The following SCAP variants were observed in gnomAD, a reference collection of about 807,000 sequenced individuals.
SCAP encodes SREBF chaperone, also known as sterol regulatory element-binding protein cleavage-activating protein.
SCAP carries 65 observed loss-of-function variants against 123.6 expected under a neutral mutation model. The observed-to-expected ratio is 0.53, with a 90% CI of 0.43 to 0.65. The LOEUF is 0.65. SCAP is among the 30% of genes least tolerant of loss of function. The pLI, the probability that SCAP is intolerant of heterozygous loss-of-function variation, is 0.00. For missense variants in SCAP, 1,398 were observed against 1,712.5 expected, an observed-to-expected ratio of 0.82 and a Z score of 3.24; for synonymous variants, 740 against 726.3, an observed-to-expected ratio of 1.02 and a Z score of -0.30.
intron 1 of SCAP, among the ~76,000 whole-genome samples, chr3:47,468,613 A>G (rs1292237129): frequency 6.6e-6 from 1 of 151,988 alleles, no homozygotes; most frequent in Non-Finnish European, 1.5e-5. Context: ...TAGATTCTGG[A>G]TATTAGCCCT....
Position 47,414,261 on chromosome 3 carries a change from G to A in SCAP, c.3513C>T (p.Ser1171=). ...GDVTSLTCTT[S]CVISSGLDDL... ...CATCCAGGCCACTGCTGATGACACA[G>A]GAGGTGGTACAGGTAAGGGAGGTGA... The change falls in exon 22 of 23, where the codon TCC becomes TCT. Residue 1171 remains serine (S), a synonymous_variant. Coordinates refer to ENST00000265565, the MANE Select transcript of SCAP (RefSeq NM_012235.4). 3 of 1,613,638 alleles carry A rather than the reference G, an allele frequency of 1.9e-6. No individual in the cohort carries two copies. Among genetic ancestry groups the A allele is most frequent in the Non-Finnish European group, 2.5e-6 (3 of 1,180,030 alleles).
At chr3:47,418,983 A>G (rs981109232) in intron 13 of SCAP, 140 bp from the exon 14 acceptor site, 13 of 981,084 alleles carry the variant, frequency 1.3e-5, no homozygotes, top group African/African-American at 3.3e-5. Flanking sequence ...GGGGTTGGGG[A>G]CAGAGGTAGG....
chr3:47,426,234 C>G, intron 6 of SCAP, 65 bp from the exon 7 acceptor site: 1 of 1,514,684 alleles, frequency 6.6e-7, no homozygotes, highest in South Asian at 1.2e-5. Context: ...CAAAGACAAT[C>G]CCCGGACAGA....
chr3:47,438,165 T>C (rs1444611468), intron 2 of SCAP, among the ~76,000 whole-genome samples: 2 of 152,256 alleles, frequency 1.3e-5, no homozygotes, highest in African/African-American at 4.8e-5. Flanking sequence ...ATAGCAACTT[T>C]TGTGAAACGC....
At chr3:47,452,901 G>A (rs1227019866) in intron 1 of SCAP, among the ~76,000 whole-genome samples, 1 of 150,188 alleles carries the variant, frequency 6.7e-6, no homozygotes, top group African/African-American at 2.4e-5. Flanking sequence ...ACCAGCCTGG[G>A]CAACATACAG....
At chr3:47,436,268 T>C (rs1487046777) in intron 2 of SCAP, among the ~76,000 whole-genome samples, 1 of 152,170 alleles carries the variant, frequency 6.6e-6, no homozygotes, top group Admixed American at 6.5e-5. Context: ...TGGTTTATAC[T>C]AGGATCATGA....
intron 1 of SCAP, among the ~76,000 whole-genome samples, chr3:47,454,644 G>A (rs1370976950): frequency 2.0e-5 from 3 of 151,960 alleles, no homozygotes; most frequent in Non-Finnish European, 2.9e-5. Context: ...CAGGAGAATC[G>A]CTTGAACGCA....
chr3:47,416,373 G>C (rs1705570566), intron 18 of SCAP, among the ~76,000 whole-genome samples: 1 of 152,246 alleles, frequency 6.6e-6, no homozygotes. Flanking sequence ...GACAGAGGCA[G>C]GGAGAGCAGA....
intron 1 of SCAP, among the ~76,000 whole-genome samples, chr3:47,465,199 C>T (rs1278136240): frequency 4.7e-5 from 7 of 149,862 alleles, no homozygotes; most frequent in Non-Finnish European, 3.0e-5. Flanking sequence ...TAGACAGAGT[C>T]TTGCTCTGTC....
At chr3:47,438,841 G>C (rs1387554614) in intron 2 of SCAP, among the ~76,000 whole-genome samples, 1 of 151,896 alleles carries the variant, frequency 6.6e-6, no homozygotes, top group African/African-American at 2.4e-5. Flanking sequence ...AAAATTTTAG[G>C]CTGTGGCTAC....
In SCAP at chr3:47,417,484, TGTGCAGACGGCCG is replaced by T; in HGVS notation, c.2777_2789del (p.Ala926AspfsTer141). The T allele has an allele frequency of 6.4e-7, 1 of 1,550,788 alleles. No individual in the cohort carries two copies. Among genetic ancestry groups the T allele is most frequent in the Middle Eastern group, 1.8e-4 (1 of 5,558 alleles). On this transcript the variant is annotated frameshift_variant, in exon 17 of 23. Coordinates refer to ENST00000265565, the MANE Select transcript of SCAP (RefSeq NM_012235.4). LOFTEE classifies it high-confidence loss of function. ...CAGGCGAGGGTGGGCGCAGGGCTGG[TGTGCAGACGGCCG>T]CCAGCCCCTCCTCCTGGTACACCCG...
At chr3:47,453,542 T>G (rs1046452772) in intron 1 of SCAP, among the ~76,000 whole-genome samples, 7 of 152,200 alleles carry the variant, frequency 4.6e-5, no homozygotes, top group Non-Finnish European at 2.9e-5. Context: ...TTTATTCTCT[T>G]GTCAAATAAA....
chr3:47,420,835 C>T lies in SCAP; in HGVS notation c.1345-63G>A. ...TCCAGAGGCTGCTCGCACAGGACCG[C>T]TGTCCTGCCCGAGGTCTACACCCTT... On this transcript the variant is annotated intron_variant, in intron 11 of 22. Transcript: ENST00000265565. The surrounding 1 kb of genome is among the most constrained non-coding windows in gnomAD (Gnocchi z 5.0). 6.4e-7 allele frequency: 1 copy of T among 1,570,194 alleles called. No individual in the cohort carries two copies. The highest frequency in any genetic ancestry group is 8.7e-7 in the Non-Finnish European group (1 of 1,149,384).
chr3:47,438,431 T>TGG (rs1706669201), intron 2 of SCAP, among the ~76,000 whole-genome samples: 1 of 77,022 alleles, frequency 1.3e-5, no homozygotes, highest in Non-Finnish European at 3.0e-5. Flanking sequence ...CGACTACAAG[T>TGG]GATCAGAATT....
At chr3:47,425,170 C>G (rs1174678891) in intron 8 of SCAP, 1 of 272,448 alleles carries the variant, frequency 3.7e-6, no homozygotes, top group African/African-American at 2.2e-5. Context: ...CACACAAATC[C>G]GACTACACAC....
intron 13 of SCAP, 31 bp from the exon 14 acceptor site, chr3:47,418,874 G>T: frequency 6.7e-7 from 1 of 1,490,492 alleles, no homozygotes. Flanking sequence ...GCCTCAGCGG[G>T]GGGCCTCCCA....
At chr3:47,424,925 A>G (rs1335364973) in intron 8 of SCAP, among the ~76,000 whole-genome samples, 1 of 152,210 alleles carries the variant, frequency 6.6e-6, no homozygotes, top group Non-Finnish European at 1.5e-5. Context: ...CTTCCAGACT[A>G]AGGTTCAGAG....
At position 47,420,110 on chromosome 3, in the gene SCAP, C is replaced by T. The variant is rs193217334; in HGVS notation, c.1564-406G>A. 5.3e-4 allele frequency among the ~76,000 whole-genome samples: 81 copies of T among 152,318 alleles called. 1 individual carries two copies. In the East Asian group the frequency reaches 0.013, roughly 24 times the overall value. Reference sequence around the variant, plus strand: ...AGTCCCAGGGGGCCTCAGCCTTCCTCCCATCTCAGTTCAGCTCCCTGGAAG... The same window carrying T: ...AGTCCCAGGGGGCCTCAGCCTTCCTTCCATCTCAGTTCAGCTCCCTGGAAG... On this transcript the variant is annotated intron_variant, in intron 12 of 22. Transcript: ENST00000265565. This position sits in a 1 kb window ranked among gnomAD's most constrained non-coding sequence, Gnocchi z 5.0.
rs1467786145 is a variant in SCAP, at chr3:47,414,512, G to A, written c.3387+60C>T. The A allele has an allele frequency of 8.1e-6, 13 of 1,605,630 alleles. No individual in the cohort carries two copies. In the Admixed American group the frequency reaches 2.2e-4, roughly 27 times the overall value. ...GAAGGCCCCTGGGGACCAGCTCCCA[G>A]GAGTCAGCAAACATGGGCCACAGAC... On this transcript the variant is annotated intron_variant, in intron 21 of 22. Transcript: ENST00000265565.
Sources: gnomAD v4.1 joint callset for allele counts (sites outside exome capture counted in the v4.1 genomes callset) on GRCh38, gnomAD v4.1.1 for gene constraint, Gnocchi (gnomAD v3.1) non-coding constraint, MANE v1.5 for transcripts, NCBI Gene and HGNC (gene_info 2026-07-23, HGNC 2026-07-21) for gene names.